PRKCE: variants seen among roughly 807,000 people sequenced by gnomAD.
PRKCE encodes the protein protein kinase C epsilon type.
PRKCE carries 16 observed loss-of-function variants against 85.4 expected under a neutral mutation model. The ratio of observed to expected loss-of-function variants is 0.19; its 90% CI spans 0.13 to 0.28. The LOEUF (loss-of-function observed/expected upper bound fraction) is 0.28, where lower values mean the gene tolerates loss of function less well. Ranked by LOEUF, PRKCE falls within the 10% of genes least tolerant of loss-of-function variation. The probability of loss-of-function intolerance (pLI) is 1.00; values close to 1 mark genes in which losing one functional copy is unlikely to be tolerated. For synonymous variants in PRKCE, 388 were observed against 371.5 expected (o/e 1.04, Z -0.51); for missense variants, 573 against 975.2 (o/e 0.59, Z 5.49).
chr2:46,012,112 A>G (rs912010190), intron 10 of PRKCE, among the ~76,000 whole-genome samples: 15 of 152,200 alleles, frequency 9.9e-5, no homozygotes, highest in Admixed American at 9.8e-4. Context: ...GATGGAGTTA[A>G]CTTTCTTCTT....
intron 1 of PRKCE, among the ~76,000 whole-genome samples, chr2:45,684,788 A>G (rs1166456612): frequency 6.6e-6 from 1 of 152,168 alleles, no homozygotes; most frequent in African/African-American, 2.4e-5. Context: ...TGTAAGGGGT[A>G]GTGTGCGCAT....
chr2:45,717,786 T>C (rs1229565884), intron 1 of PRKCE, among the ~76,000 whole-genome samples: 1 of 152,194 alleles, frequency 6.6e-6, no homozygotes, highest in African/African-American at 2.4e-5. Flanking sequence ...TTTGAGCAAA[T>C]GAGAGTCAAA....
intron 2 of PRKCE, among the ~76,000 whole-genome samples, chr2:45,944,167 C>G (rs1235190546): frequency 6.6e-6 from 1 of 152,188 alleles, no homozygotes; most frequent in Non-Finnish European, 1.5e-5. Context: ...CGAATCACTT[C>G]GTTGGTGACT....
At chr2:45,685,334 CAAGATGT>C (rs1251826284) in intron 1 of PRKCE, 2 of 152,164 alleles carry the variant, frequency 1.3e-5, no homozygotes, top group Admixed American at 1.3e-4. Flanking sequence ...TTTCTTTTTA[CAAGATGT>C]AAGATTTGCC....
chr2:45,947,378 G>T (rs1474261337), intron 2 of PRKCE, among the ~76,000 whole-genome samples: 1 of 151,900 alleles, frequency 6.6e-6, no homozygotes, highest in Non-Finnish European at 1.5e-5. Context: ...TGTTTGCGGG[G>T]GATGAAAATG....
At chr2:46,009,210 A>G (rs1161339086) in intron 9 of PRKCE, among the ~76,000 whole-genome samples, 2 of 152,254 alleles carry the variant, frequency 1.3e-5, no homozygotes, top group Non-Finnish European at 2.9e-5. Flanking sequence ...AAGGCAAACA[A>G]GGACAGATTC....
intron 10 of PRKCE, among the ~76,000 whole-genome samples, chr2:46,026,951 C>T (rs1707158134): frequency 6.6e-6 from 1 of 152,088 alleles, no homozygotes. Flanking sequence ...ATTGGGAGGC[C>T]AAGGCAGGAG....
intron 2 of PRKCE, among the ~76,000 whole-genome samples, chr2:45,972,859 C>G (rs553472924): frequency 1.3e-5 from 2 of 152,230 alleles, no homozygotes; most frequent in African/African-American, 4.8e-5. Context: ...AATATGGTTC[C>G]TATCAAATTC....
At chr2:45,743,781 G>A (rs994333288) in intron 1 of PRKCE, among the ~76,000 whole-genome samples, 4 of 152,130 alleles carry the variant, frequency 2.6e-5, no homozygotes, top group African/African-American at 9.7e-5. Context: ...ATCCACATTA[G>A]CAGACTCCAC....
At chr2:45,735,923 A>G (rs983492436) in intron 1 of PRKCE, among the ~76,000 whole-genome samples, 1 of 152,198 alleles carries the variant, frequency 6.6e-6, no homozygotes, top group African/African-American at 2.4e-5. Flanking sequence ...AAGTCTTCCT[A>G]TATATTGTCC....
At chr2:45,822,342 C>T (rs192687603) in intron 1 of PRKCE, among the ~76,000 whole-genome samples, 1 of 152,360 alleles carries the variant, frequency 6.6e-6, no homozygotes, top group East Asian at 1.9e-4. Flanking sequence ...GAGAAAAGTG[C>T]TGTGGGCTCT....
In PRKCE at chr2:46,004,318, G is replaced by A. The variant is rs1574192186; in HGVS notation, c.967-224G>A. On this transcript the variant is annotated intron_variant, in intron 7 of 14. Transcript: ENST00000306156. The surrounding 1 kb of genome is among the most constrained non-coding windows in gnomAD (Gnocchi z 4.1). ...ATCCTTCTGTGAATGTAGGGAAGGT[G>A]CACTGAAATTCCTTTTGTGGTTCTT... is the stretch of plus-strand genomic sequence containing the variant. 1 of 480,494 alleles carries A rather than the reference G, an allele frequency of 2.1e-6. No individual in the cohort carries two copies. The highest frequency in any genetic ancestry group is 3.3e-5 in the Admixed American group (1 of 30,364). 29.8% of individuals were successfully genotyped at this position (480,494 alleles called of 1,614,324 possible). A position where few individuals can be genotyped will look rare whatever the true frequency, so the allele number is the denominator to read the frequency against.
At chr2:46,031,012 G>A (rs1379523520) in intron 10 of PRKCE, among the ~76,000 whole-genome samples, 3 of 152,200 alleles carry the variant, frequency 2.0e-5, no homozygotes, top group African/African-American at 7.2e-5. Flanking sequence ...CGTGAATGAT[G>A]TACCATGCTC....
Position 45,774,726 on chromosome 2 carries a change from C to A in PRKCE, c.349-68274C>A, listed in dbSNP as rs886808872. On this transcript the variant is annotated intron_variant, in intron 1 of 14. Coordinates refer to ENST00000306156, the MANE Select transcript of PRKCE (RefSeq NM_005400.3). The surrounding 1 kb of genome is among the most constrained non-coding windows in gnomAD (Gnocchi z 4.3). ...TTGCCTTCTGATAGATGAATCAAGC[C>A]GGGACGCCCAGTCACCCTGACTTTG... Among the ~76,000 whole-genome samples the A allele has an allele frequency of 6.6e-6, 1 of 152,026 alleles. No individual in the cohort carries two copies. Among genetic ancestry groups the A allele is most frequent in the Non-Finnish European group, 1.5e-5 (1 of 68,006 alleles).
At chr2:45,655,282 G>A (rs754867004) in intron 1 of PRKCE, among the ~76,000 whole-genome samples, 9 of 151,942 alleles carry the variant, frequency 5.9e-5, no homozygotes, top group Non-Finnish European at 1.2e-4. Flanking sequence ...GCCACATGTG[G>A]CCCGGGATGG....
At chr2:46,027,554 A>T (rs936853450) in intron 10 of PRKCE, among the ~76,000 whole-genome samples, 5 of 151,982 alleles carry the variant, frequency 3.3e-5, no homozygotes, top group Non-Finnish European at 7.4e-5. Context: ...TCTCATTCGT[A>T]GGTATATTTT....
At chr2:46,083,246 C>T (rs760706649) in intron 10 of PRKCE, among the ~76,000 whole-genome samples, 7 of 152,196 alleles carry the variant, frequency 4.6e-5, no homozygotes, top group East Asian at 1.9e-4. Flanking sequence ...CCACTACGCC[C>T]GGCCCATCCT....
chr2:45,832,349 G>C (rs1263127164), intron 1 of PRKCE, among the ~76,000 whole-genome samples: 2 of 137,350 alleles, frequency 1.5e-5, no homozygotes, highest in East Asian at 2.1e-4. Flanking sequence ...GTCTCACTCT[G>C]TTGCCCAGGC....
At chr2:45,873,572 G>T (rs184727933) in intron 2 of PRKCE, among the ~76,000 whole-genome samples, 101 of 152,288 alleles carry the variant, frequency 6.6e-4, no homozygotes, top group Non-Finnish European at 7.4e-4. Context: ...CTTGTTAGAC[G>T]TAAGTGTAGA....
Sources: gnomAD v4.1 joint callset for allele counts (sites outside exome capture counted in the v4.1 genomes callset) on GRCh38, gnomAD v4.1.1 for gene constraint, Gnocchi (gnomAD v3.1) non-coding constraint, MANE v1.5 for transcripts, NCBI Gene and HGNC (gene_info 2026-07-23, HGNC 2026-07-21) for gene names.